Variants in STAG1 observed in about 807,000 individuals in gnomAD.
STAG1 encodes the protein STAG1 cohesin complex component, also known as cohesin subunit SA-1.
In STAG1, 26 loss-of-function variants were observed where a neutral mutation model predicts 170.9. That is an observed-to-expected ratio of 0.15 (90% confidence interval 0.11 to 0.21). The LOEUF (loss-of-function observed/expected upper bound fraction) is 0.21, where lower values mean the gene tolerates loss of function less well. Among genes scored for constraint, STAG1 ranks in the 10% least tolerant of loss-of-function variants. The pLI is 1.00. For missense variants in STAG1, 964 were observed against 1,509.5 expected (o/e 0.64, Z 5.99); for synonymous variants, 514 against 497.7 (o/e 1.03, Z -0.44).
chr3:136,714,961 ATATTTTATATATATATTTT>A (rs1559967648), intron 1 of STAG1, among the ~76,000 whole-genome samples: 31 of 64,326 alleles, frequency 4.8e-4, no homozygotes, highest in African/African-American at 1.4e-3. Flanking sequence ...ATATATATAT[ATATTTTATATATATATTTT>A]TATATATATA....
At position 136,422,752 on chromosome 3, in the gene STAG1, T is replaced by G. The variant is rs777847667; in HGVS notation, c.1833+16A>C. 2 of 1,570,510 alleles carry G rather than the reference T, an allele frequency of 1.3e-6. No individual in the cohort carries two copies. The highest frequency in any genetic ancestry group is 2.4e-5 in the South Asian group (2 of 84,798). On this transcript the variant is annotated intron_variant, in intron 18 of 33. Transcript: ENST00000383202. ...AAAACTATAACAGCTGAATTTCAAT[T>G]TCATAATATCATTACCTTTTCCATT...
intron 1 of STAG1, among the ~76,000 whole-genome samples, chr3:136,714,122 G>T (rs1236957714): frequency 6.6e-6 from 1 of 152,046 alleles, no homozygotes; most frequent in African/African-American, 2.4e-5. Flanking sequence ...AGGCTGCCCA[G>T]AGCCATGATT....
chr3:136,626,499 T>C (rs1940101493), intron 2 of STAG1, among the ~76,000 whole-genome samples: 1 of 151,886 alleles, frequency 6.6e-6, no homozygotes, highest in African/African-American at 2.4e-5. Flanking sequence ...AAGTTCTCTA[T>C]AGCTACTACT....
chr3:136,614,599 A>G (rs1369697494), intron 3 of STAG1, among the ~76,000 whole-genome samples: 1 of 152,220 alleles, frequency 6.6e-6, no homozygotes, highest in African/African-American at 2.4e-5. Context: ...CTCAGAATTT[A>G]CAGCAATCTT....
intron 13 of STAG1, among the ~76,000 whole-genome samples, chr3:136,459,729 T>C (rs549327329): frequency 1.3e-5 from 2 of 152,262 alleles, no homozygotes; most frequent in African/African-American, 4.8e-5. Context: ...ATTGTTCAAG[T>C]TCATGTAAAT....
chr3:136,417,651 T>C (rs1337261629), intron 21 of STAG1: 1 of 410,844 alleles, frequency 2.4e-6, no homozygotes, highest in Non-Finnish European at 4.4e-6. Context: ...AAGTCTACCT[T>C]AACAGTAAAA....
intron 21 of STAG1, among the ~76,000 whole-genome samples, chr3:136,407,484 C>CA (rs1459232830): frequency 2.6e-5 from 4 of 151,964 alleles, no homozygotes; most frequent in Admixed American, 6.6e-5. Flanking sequence ...TTTCTTGAGA[C>CA]AGAGTCTCAC....
intron 24 of STAG1, among the ~76,000 whole-genome samples, chr3:136,367,652 G>A (rs1390052746): frequency 6.6e-6 from 1 of 152,002 alleles, no homozygotes; most frequent in Non-Finnish European, 1.5e-5. Flanking sequence ...AAGACACAAG[G>A]AAAAAGTTTT....
intron 16 of STAG1, among the ~76,000 whole-genome samples, chr3:136,428,530 C>T (rs2088200450): frequency 1.3e-5 from 2 of 152,094 alleles, no homozygotes; most frequent in African/African-American, 4.8e-5. Context: ...GATCAGGGGT[C>T]CATAGAACCC....
At chr3:136,570,068 G>A (rs1177543617) in intron 4 of STAG1, among the ~76,000 whole-genome samples, 1 of 151,950 alleles carries the variant, frequency 6.6e-6, no homozygotes, top group Admixed American at 6.6e-5. Context: ...TGTGTACTAA[G>A]GTATATTTAT....
At chr3:136,570,830 T>C (rs1937245975) in intron 4 of STAG1, among the ~76,000 whole-genome samples, 1 of 152,258 alleles carries the variant, frequency 6.6e-6, no homozygotes, top group Non-Finnish European at 1.5e-5. Flanking sequence ...TTTCTATACA[T>C]AATACTGTTT....
chr3:136,427,148 G>A (rs2088153555), intron 16 of STAG1, among the ~76,000 whole-genome samples: 1 of 150,740 alleles, frequency 6.6e-6, no homozygotes, highest in Admixed American at 6.6e-5. Flanking sequence ...AGAATCGCTT[G>A]AACCCGGGAG....
At chr3:136,708,397 T>A (rs1943286226) in intron 1 of STAG1, among the ~76,000 whole-genome samples, 1 of 151,742 alleles carries the variant, frequency 6.6e-6, no homozygotes, top group African/African-American at 2.4e-5. Context: ...TTATAAGAAA[T>A]ATAATAAATA....
chr3:136,690,658 G>C (rs1030441439), intron 1 of STAG1, among the ~76,000 whole-genome samples: 2 of 152,148 alleles, frequency 1.3e-5, no homozygotes, highest in Non-Finnish European at 2.9e-5. Flanking sequence ...CTCATCAGAA[G>C]GAAGGGGTAA....
chr3:136,521,760 T>G (rs1466500415), intron 6 of STAG1, among the ~76,000 whole-genome samples: 1 of 152,190 alleles, frequency 6.6e-6, no homozygotes, highest in Non-Finnish European at 1.5e-5. Flanking sequence ...CTAGAAAGGA[T>G]GATTGCCAGT....
intron 6 of STAG1, among the ~76,000 whole-genome samples, chr3:136,531,876 A>G (rs1433771369): frequency 2.7e-5 from 4 of 149,984 alleles, no homozygotes; most frequent in African/African-American, 4.9e-5. Context: ...TAACCTGCAC[A>G]TTGTGCACAT....
chr3:136,625,108 G>A (rs1332295414), intron 2 of STAG1, among the ~76,000 whole-genome samples: 1 of 152,162 alleles, frequency 6.6e-6, no homozygotes, highest in Non-Finnish European at 1.5e-5. Context: ...AAAAGGTTTA[G>A]ACAGCATGAA....
In STAG1 at chr3:136,398,759, G is replaced by C. The variant is rs371711194; in HGVS notation, c.2267C>G (p.Ser756Cys). ...LWQLVKITDG[S>C]PSKEDLLVLR... The stretch of plus-strand genomic sequence containing the variant: ...GAAACTCTTACTTACTTTGGAAGGA[G>C]AGCCATCAGTAATTTTCACCAACTG... Residue 756 changes from serine (S) to cysteine (C), a missense_variant, in exon 22 of 34, where the codon TCT (serine) becomes TGT (cysteine). By Grantham distance (112) the Ser-to-Cys change is moderately radical. This residue lies in a region of STAG1 where 232 missense variants were observed against 313.0 expected (regional missense o/e 0.74). Coordinates refer to ENST00000383202, the MANE Select transcript of STAG1 (RefSeq NM_005862.3). 3.7e-6 allele frequency: 6 copies of C among 1,601,322 alleles called. No individual in the cohort carries two copies. Among genetic ancestry groups the C allele is most frequent in the Non-Finnish European group, 2.6e-6 (3 of 1,172,744 alleles).
chr3:136,400,283 A>G (rs746995015), intron 21 of STAG1, among the ~76,000 whole-genome samples: 5 of 152,042 alleles, frequency 3.3e-5, no homozygotes, highest in South Asian at 2.1e-4. Flanking sequence ...GCTGCAGTGC[A>G]GTGGCGTGAT....
Sources: allele counts gnomAD v4.1 joint callset (sites outside exome capture counted in the v4.1 genomes callset), GRCh38; gene constraint gnomAD v4.1.1; regional missense constraint gnomAD v4.1.1; transcripts MANE v1.5; gene names NCBI Gene and HGNC (gene_info 2026-07-23, HGNC 2026-07-21).